Variants in DLGAP4 observed in about 807,000 individuals in gnomAD.
The protein encoded by DLGAP4 is disks large-associated protein 4.
DLGAP4 carries 18 observed loss-of-function variants against 86.9 expected under a neutral mutation model. The ratio of observed to expected loss-of-function variants is 0.21; its 90% CI spans 0.14 to 0.31. The LOEUF (loss-of-function observed/expected upper bound fraction) is 0.31. DLGAP4 is among the 10% of genes least tolerant of loss of function. DLGAP4 has a pLI of 1.00. For synonymous variants in DLGAP4, 548 were observed against 574.3 expected (o/e 0.95, Z 0.65); for missense variants, 1,085 against 1,362.6 (o/e 0.80, Z 3.21).
chr20:36,366,123 G>A (rs1479002391), intron 1 of DLGAP4, among the ~76,000 whole-genome samples: 1 of 152,044 alleles, frequency 6.6e-6, no homozygotes, highest in Non-Finnish European at 1.5e-5. Context: ...TTTTGTTTTT[G>A]GTTTTGGTTT....
intron 7 of DLGAP4, among the ~76,000 whole-genome samples, chr20:36,495,547 G>A (rs2035852071): frequency 6.6e-6 from 1 of 152,238 alleles, no homozygotes; most frequent in Non-Finnish European, 1.5e-5. Context: ...TGTTGGAAAA[G>A]CACTTTCTAT....
chr20:36,412,728 A>G (rs143522826), intron 2 of DLGAP4, among the ~76,000 whole-genome samples: 9 of 152,226 alleles, frequency 5.9e-5, no homozygotes, highest in Middle Eastern at 3.4e-3. Flanking sequence ...GATTCACAAG[A>G]CTTTTGGGAG....
At chr20:36,366,038 G>C (rs891320378) in intron 1 of DLGAP4, among the ~76,000 whole-genome samples, 3 of 152,192 alleles carry the variant, frequency 2.0e-5, no homozygotes, top group African/African-American at 7.2e-5. Context: ...CAGCCAAAAG[G>C]CTTCTGGGAG....
intron 7 of DLGAP4, among the ~76,000 whole-genome samples, chr20:36,491,603 G>C (rs1043267868): frequency 2.6e-5 from 4 of 152,050 alleles, no homozygotes; most frequent in Non-Finnish European, 5.9e-5. Flanking sequence ...TTTGGGAATG[G>C]TGCACTGTGC....
At chr20:36,383,560 A>T (rs2031480059) in intron 2 of DLGAP4, among the ~76,000 whole-genome samples, 1 of 151,994 alleles carries the variant, frequency 6.6e-6, no homozygotes, top group African/African-American at 2.4e-5. Flanking sequence ...GCCTATGAAG[A>T]TGGGTTTTCC....
At chr20:36,352,153 G>C (rs1286940507) in intron 1 of DLGAP4, among the ~76,000 whole-genome samples, 2 of 151,724 alleles carry the variant, frequency 1.3e-5, no homozygotes, top group African/African-American at 4.8e-5. Flanking sequence ...GGGTGGAGCA[G>C]CTGCAACTGA....
chr20:36,462,354 C>A, intron 7 of DLGAP4: 2 of 1,377,254 alleles, frequency 1.5e-6, no homozygotes, highest in South Asian at 1.8e-5. Flanking sequence ...TCTCCCTGCC[C>A]CTCTGTGCCC....
At chr20:36,421,180 G>A (rs945496352) in intron 2 of DLGAP4, among the ~76,000 whole-genome samples, 3 of 152,140 alleles carry the variant, frequency 2.0e-5, no homozygotes, top group African/African-American at 7.2e-5. Flanking sequence ...TAGGGGCCGG[G>A]CGCGGTGGCT....
rs1223835432 is a variant in DLGAP4, at chr20:36,436,261, C to T, written c.1152C>T (p.Ser384=). 6.2e-7 allele frequency: 1 copy of T among 1,605,910 alleles called. No individual in the cohort carries two copies. The highest frequency in any genetic ancestry group is 1.7e-5 in the Admixed American group (1 of 59,896). Reference sequence around the variant, plus strand: ...AGGACAGCGACGAGTCCGGCGGCAGCCCCAAGCCCTCACCCAAGACCGCGG... The same window carrying T: ...AGGACAGCGACGAGTCCGGCGGCAGTCCCAAGCCCTCACCCAAGACCGCGG... ...GDEDSDESGG[S]PKPSPKTAAR... The change falls in exon 4 of 13, where the codon AGC becomes AGT. Residue 384 remains serine (S), a synonymous_variant. Transcript: ENST00000339266.
chr20:36,413,404 T>C (rs2032559388), intron 2 of DLGAP4, among the ~76,000 whole-genome samples: 1 of 147,464 alleles, frequency 6.8e-6, no homozygotes, highest in African/African-American at 2.5e-5. Flanking sequence ...TTGATTTGCT[T>C]GTTCTGGACT....
chr20:36,367,408 C>T (rs2030727443), intron 2 of DLGAP4, 133 bp downstream of exon 2: 1 of 152,276 alleles, frequency 6.6e-6, no homozygotes, highest in African/African-American at 2.4e-5. Flanking sequence ...TTGTATATGT[C>T]TGGGCACCAT....
intron 2 of DLGAP4, among the ~76,000 whole-genome samples, chr20:36,390,283 A>G (rs1008504271): frequency 6.6e-6 from 1 of 152,204 alleles, no homozygotes; most frequent in African/African-American, 2.4e-5. Flanking sequence ...AAGAGAGCTT[A>G]GAGATTCAAG....
rs983101302 is a variant in DLGAP4 at position 36,528,004 on chromosome 20, A to C, written c.*973A>C. On this transcript the variant is annotated 3_prime_UTR_variant, in exon 13 of 13. Transcript: ENST00000339266. Reference sequence around the variant, plus strand: ...CCCATCTGCTCACCCATGCCCACCCAGCGCCGCCGCCGCTGGCTCTCGGGG... The same window carrying C: ...CCCATCTGCTCACCCATGCCCACCCCGCGCCGCCGCCGCTGGCTCTCGGGG... 1 of 152,588 alleles carries C rather than the reference A, an allele frequency of 6.6e-6. No homozygotes were observed. Among genetic ancestry groups the C allele is most frequent in the African/African-American group, 2.4e-5 (1 of 41,398 alleles). 9.5% of individuals were successfully genotyped at this position (152,588 alleles called of 1,614,324 possible). A position where few individuals can be genotyped will look rare whatever the true frequency, so the allele number is the denominator to read the frequency against.
chr20:36,336,782 T>G lies in DLGAP4; in HGVS notation c.-303-30263T>G, dbSNP rs1188660283. 2.0e-5 allele frequency among the ~76,000 whole-genome samples: 3 copies of G among 152,292 alleles called. No homozygotes were observed. The East Asian group carries it at 5.8e-4, about 29-fold the overall frequency. On this transcript the variant is annotated intron_variant, in intron 1 of 12. Coordinates refer to ENST00000339266, the MANE Select transcript of DLGAP4 (RefSeq NM_001365621.2). ...CTGCCTTGATGTGCCCACCCTTGAC[T>G]GTGGCCTTGCATCCAACCAGAGTGG... is the stretch of plus-strand genomic sequence containing the variant.
intron 2 of DLGAP4, among the ~76,000 whole-genome samples, chr20:36,380,623 GA>G (rs1569479302): frequency 4.9e-5 from 4 of 82,152 alleles, no homozygotes; most frequent in Non-Finnish European, 9.7e-5. Flanking sequence ...GAGAGAGAGA[GA>G]GAGAGAGAGA....
At chr20:36,522,160 TTTTG>T (rs1569526328) in intron 10 of DLGAP4, among the ~76,000 whole-genome samples, 1 of 152,116 alleles carries the variant, frequency 6.6e-6, no homozygotes, top group Non-Finnish European at 1.5e-5. Context: ...ACTCTTTCTT[TTTTG>T]TTTTTGAGAC....
At chr20:36,412,190 A>G (rs985365597) in intron 2 of DLGAP4, among the ~76,000 whole-genome samples, 2 of 152,260 alleles carry the variant, frequency 1.3e-5, no homozygotes, top group Non-Finnish European at 2.9e-5. Flanking sequence ...GCTGTTTGCC[A>G]GCATGACCTT....
intron 2 of DLGAP4, among the ~76,000 whole-genome samples, chr20:36,374,842 C>G (rs1198987726): frequency 1.3e-5 from 2 of 152,372 alleles, no homozygotes; most frequent in Non-Finnish European, 2.9e-5. Context: ...AATCCCGGCA[C>G]TGCAGGCTGT....
chr20:36,407,094 C>T (rs1411883027), intron 2 of DLGAP4, among the ~76,000 whole-genome samples: 1 of 152,078 alleles, frequency 6.6e-6, no homozygotes, highest in African/African-American at 2.4e-5. Flanking sequence ...TAATAATACC[C>T]TTTGGGAGGT....
Sources: allele counts gnomAD v4.1 joint callset (sites outside exome capture counted in the v4.1 genomes callset), GRCh38; gene constraint gnomAD v4.1.1; transcripts MANE v1.5; gene names NCBI Gene and HGNC (gene_info 2026-07-23, HGNC 2026-07-21).